TAF1A: variants seen among roughly 807,000 people sequenced by gnomAD.
The protein encoded by TAF1A is TATA-box binding protein associated factor, RNA polymerase I subunit A.
Under a neutral mutation model 61.6 loss-of-function variants are expected in TAF1A, and 42 were observed. The observed-to-expected ratio is 0.68, with a 90% CI of 0.53 to 0.88. The LOEUF is 0.88. Among genes scored for constraint, TAF1A ranks in the 40% least tolerant of loss-of-function variants. The pLI is 0.00. For synonymous variants in TAF1A, 179 were observed against 177.7 expected, an observed-to-expected ratio of 1.01 and a Z score of -0.06; for missense variants, 424 against 518.7, an observed-to-expected ratio of 0.82 and a Z score of 1.77.
At chr1:222,558,011 G>A (rs1436973908), downstream of TAF1A, 1 of 151,070 alleles carries the variant, frequency 6.6e-6, no homozygotes, top group Non-Finnish European at 1.5e-5. Context: ...AGCCTCCCGA[G>A]TATCTGGGAT....
At chr1:222,575,909 A>C (rs540656620) in intron 5 of TAF1A, among the ~76,000 whole-genome samples, 1 of 152,322 alleles carries the variant, frequency 6.6e-6, no homozygotes, top group South Asian at 2.1e-4. Context: ...GTTTTACCTA[A>C]CCATGTATAA....
At chr1:222,569,478 C>G in intron 7 of TAF1A, 32 bp downstream of exon 7, 1 of 1,613,336 alleles carries the variant, frequency 6.2e-7, no homozygotes. Context: ...GATTCCCAAC[C>G]CTGGTCAAAC....
intron 8 of TAF1A, among the ~76,000 whole-genome samples, 194 bp downstream of exon 8, chr1:222,563,865 C>A (rs555537145): frequency 1.3e-5 from 2 of 152,126 alleles, no homozygotes; most frequent in Admixed American, 1.3e-4. Flanking sequence ...GGCATACAGT[C>A]TCTGTCACAA....
intron 5 of TAF1A, among the ~76,000 whole-genome samples, chr1:222,575,439 T>A (rs1660529276): frequency 6.6e-6 from 1 of 151,610 alleles, no homozygotes; most frequent in Non-Finnish European, 1.5e-5. Context: ...GCCCAGGAGG[T>A]CGAGGCTGCA....
chr1:222,577,611 A>C lies in TAF1A; in HGVS notation c.438T>G (p.His146Gln), dbSNP rs1660625129. 5.6e-6 allele frequency: 9 copies of C among 1,613,818 alleles called. No individual in the cohort carries two copies. Among genetic ancestry groups the C allele is most frequent in the Non-Finnish European group, 7.6e-6 (9 of 1,179,898 alleles). ...ISLQHALYLL[H>Q]HGMLKDAKRN... ...TCTTAGCATCTTTAAGCATTCCATG[A>C]TGCAGAAGGTATAATGCATGTTGTA... is the stretch of plus-strand genomic sequence containing the variant. The change falls in exon 5 of 11, where the codon CAT (histidine) becomes CAG (glutamine). Residue 146 changes from histidine to glutamine, a missense_variant. His to Gln is a conservative substitution (Grantham distance 24, BLOSUM62 0). Transcript: ENST00000352967.
At chr1:222,561,641 A>C in intron 9 of TAF1A, 123 bp from the exon 10 acceptor site, 1 of 977,828 alleles carries the variant, frequency 1.0e-6, no homozygotes, top group Non-Finnish European at 1.5e-6. Flanking sequence ...CTAAATTCTC[A>C]ATATGGCCAA....
chr1:222,578,448 C>T (rs890012751), intron 4 of TAF1A, among the ~76,000 whole-genome samples: 2 of 152,294 alleles, frequency 1.3e-5, no homozygotes, highest in South Asian at 2.1e-4. Context: ...ATCCAAGTTC[C>T]CTGGGTATGG....
chr1:222,579,415 T>C (rs751601111), intron 4 of TAF1A, among the ~76,000 whole-genome samples: 104 of 152,204 alleles, frequency 6.8e-4, no homozygotes, highest in Non-Finnish European at 1.3e-3. Context: ...CCAACTTGTT[T>C]AGCTCTTTCC....
At chr1:222,555,185 G>C (rs1416351770), downstream of TAF1A, among the ~76,000 whole-genome samples, 1 of 152,170 alleles carries the variant, frequency 6.6e-6, no homozygotes, top group Non-Finnish European at 1.5e-5. Context: ...GTATGCTGCT[G>C]TTGGGGATGT....
At chr1:222,557,598 G>A (rs992658859), downstream of TAF1A, among the ~76,000 whole-genome samples, 4 of 146,152 alleles carry the variant, frequency 2.7e-5, no homozygotes, top group African/African-American at 5.1e-5. Context: ...CTACAAGCGC[G>A]CACCACCAAG....
chr1:222,569,692 C>G (rs1186709780), intron 6 of TAF1A, 24 bp from the exon 7 acceptor site: 7 of 1,592,958 alleles, frequency 4.4e-6, no homozygotes, highest in Non-Finnish European at 8.5e-7. Context: ...ATCATAATAT[C>G]TTAGCTGAAT....
At chr1:222,579,207 AT>A (rs1352943564) in intron 4 of TAF1A, among the ~76,000 whole-genome samples, 3 of 152,262 alleles carry the variant, frequency 2.0e-5, no homozygotes, top group Admixed American at 1.3e-4. Context: ...CACTCAAAAC[AT>A]TTTTTTAAAG....
intron 6 of TAF1A, 68 bp from the exon 7 acceptor site, chr1:222,569,736 G>T: frequency 7.1e-7 from 1 of 1,399,568 alleles, no homozygotes; most frequent in Non-Finnish European, 9.7e-7. Flanking sequence ...ATAATACACA[G>T]CATAAGTTTA....
At chr1:222,570,777 A>C in intron 5 of TAF1A, 112 bp from the exon 6 acceptor site, 1 of 977,918 alleles carries the variant, frequency 1.0e-6, no homozygotes, top group Non-Finnish European at 1.5e-6. Context: ...TAGCTACAAC[A>C]GTAAATTCCA....
At chr1:222,561,655 A>C in intron 9 of TAF1A, 137 bp from the exon 10 acceptor site, 1 of 775,086 alleles carries the variant, frequency 1.3e-6, no homozygotes, top group African/African-American at 1.8e-5. Flanking sequence ...TGGCCAAGGC[A>C]TAACACATGA....
chr1:222,565,525 A>G (rs1037060344), intron 7 of TAF1A, among the ~76,000 whole-genome samples: 3 of 152,244 alleles, frequency 2.0e-5, no homozygotes, highest in Non-Finnish European at 4.4e-5. Flanking sequence ...TTTCAAAAAC[A>G]CCATTAGTGA....
intron 7 of TAF1A, 38 bp from the exon 8 acceptor site, chr1:222,564,163 G>GTA: frequency 7.6e-7 from 1 of 1,310,386 alleles, no homozygotes; most frequent in African/African-American, 1.5e-5. Flanking sequence ...TTACATACTT[G>GTA]TAAAAGCATT....
At chr1:222,566,970 G>A (rs1039231418) in intron 7 of TAF1A, among the ~76,000 whole-genome samples, 2 of 152,138 alleles carry the variant, frequency 1.3e-5, no homozygotes, top group Non-Finnish European at 2.9e-5. Flanking sequence ...AGAAGTGAAA[G>A]CAGCGAACTC....
Position 222,580,186 on chromosome 1 carries a change from G to A in TAF1A, c.292-314C>T, listed in dbSNP as rs199513091. 1.4e-3 allele frequency among the ~76,000 whole-genome samples: 214 copies of A among 152,252 alleles called. 3 individuals carry two copies. Among genetic ancestry groups the A allele is most frequent in the East Asian group, 3.3e-3 (17 of 5,188 alleles). ...AAATGTTTAATTGGTATGGAAGGAA[G>A]AATATTAAAGTCAGAAAATTTGGGT... On this transcript the variant is annotated intron_variant, in intron 3 of 10. Coordinates refer to ENST00000352967, the MANE Select transcript of TAF1A (RefSeq NM_005681.4).
Sources: gnomAD v4.1 joint callset for allele counts (sites outside exome capture counted in the v4.1 genomes callset) on GRCh38, gnomAD v4.1.1 for gene constraint, MANE v1.5 for transcripts, NCBI Gene and HGNC (gene_info 2026-07-23, HGNC 2026-07-21) for gene names.